Variants in CNTNAP5 observed in about 807,000 individuals in gnomAD.
CNTNAP5 encodes contactin associated protein family member 5, also known as contactin-associated protein-like 5.
A neutral mutation model predicts 150.2 loss-of-function variants in CNTNAP5; 72 were observed. The observed-to-expected ratio is 0.48, with a 90% CI of 0.40 to 0.58. The LOEUF (loss-of-function observed/expected upper bound fraction) is 0.58, where lower values mean the gene tolerates loss of function less well. Among genes scored for constraint, CNTNAP5 ranks in the 20% least tolerant of loss-of-function variants. The probability of loss-of-function intolerance (pLI) is 0.00; values close to 1 mark genes in which losing one functional copy is unlikely to be tolerated. For missense variants in CNTNAP5, 1,636 were observed against 1,626.2 expected (o/e 1.01, Z -0.10); for synonymous variants, 672 against 619.8 (o/e 1.08, Z -1.25).
intron 13 of CNTNAP5, among the ~76,000 whole-genome samples, chr2:124,663,134 C>A (rs1678627041): frequency 6.6e-6 from 1 of 152,124 alleles, no homozygotes; most frequent in Non-Finnish European, 1.5e-5. Context: ...AAGTAAGAAC[C>A]ATGTGACCCT....
chr2:124,210,965 T>A (rs1412069544), intron 1 of CNTNAP5, among the ~76,000 whole-genome samples: 1 of 152,132 alleles, frequency 6.6e-6, no homozygotes, highest in African/African-American at 2.4e-5. Flanking sequence ...TGCTTTCTGT[T>A]CCCTTTAAGA....
chr2:124,605,726 G>A (rs764682592), intron 11 of CNTNAP5, among the ~76,000 whole-genome samples: 3 of 143,858 alleles, frequency 2.1e-5, no homozygotes, highest in Non-Finnish European at 4.5e-5. Context: ...TGAGGCAGGA[G>A]AATTGCTTGG....
chr2:124,146,442 G>C (rs1013859972), intron 1 of CNTNAP5, among the ~76,000 whole-genome samples: 31 of 151,716 alleles, frequency 2.0e-4, no homozygotes, highest in African/African-American at 7.0e-4. Flanking sequence ...TTCACTTCTG[G>C]GAATCTATCC....
intron 1 of CNTNAP5, among the ~76,000 whole-genome samples, chr2:124,080,628 A>G (rs1682538782): frequency 6.6e-6 from 1 of 152,190 alleles, no homozygotes; most frequent in Non-Finnish European, 1.5e-5. Context: ...AAACACTGAG[A>G]GTGTCCCCAA....
intron 2 of CNTNAP5, among the ~76,000 whole-genome samples, chr2:124,231,519 A>G (rs1686619838): frequency 2.0e-5 from 3 of 152,156 alleles, no homozygotes; most frequent in Admixed American, 2.0e-4. Context: ...GATGCTCTTG[A>G]CATAATTAGC....
chr2:124,027,833 A>C (rs1293809407), intron 1 of CNTNAP5, among the ~76,000 whole-genome samples: 2 of 152,228 alleles, frequency 1.3e-5, no homozygotes, highest in Admixed American at 1.3e-4. Context: ...TACAAAATCT[A>C]TTAATTGAAT....
intron 3 of CNTNAP5, among the ~76,000 whole-genome samples, chr2:124,327,144 C>A (rs945788367): frequency 6.7e-6 from 1 of 149,964 alleles, no homozygotes; most frequent in Non-Finnish European, 1.5e-5. Context: ...CCACACCTGG[C>A]TAATTTTTTG....
chr2:124,626,999 T>G (rs1276453806), intron 12 of CNTNAP5, among the ~76,000 whole-genome samples: 1 of 152,146 alleles, frequency 6.6e-6, no homozygotes, highest in Admixed American at 6.5e-5. Context: ...GCTAGATGGC[T>G]TCTTTAGATC....
intron 1 of CNTNAP5, among the ~76,000 whole-genome samples, chr2:124,187,156 C>T (rs1200579998): frequency 6.6e-6 from 1 of 152,064 alleles, no homozygotes; most frequent in East Asian, 1.9e-4. Context: ...AAAGAGCAAC[C>T]TGGAAGGAAA....
At chr2:124,589,208 C>T (rs1194255181) in intron 11 of CNTNAP5, among the ~76,000 whole-genome samples, 1 of 152,152 alleles carries the variant, frequency 6.6e-6, no homozygotes, top group Non-Finnish European at 1.5e-5. Flanking sequence ...CCACCACCCC[C>T]AGCCCCTGCA....
chr2:124,162,979 A>G (rs1011547803), intron 1 of CNTNAP5, among the ~76,000 whole-genome samples: 3 of 150,652 alleles, frequency 2.0e-5, no homozygotes, highest in African/African-American at 7.2e-5. Flanking sequence ...CATCCCTTGA[A>G]GTTGACAAAA....
chr2:124,464,178 AG>A (rs1693320336), intron 6 of CNTNAP5, among the ~76,000 whole-genome samples: 1 of 152,144 alleles, frequency 6.6e-6, no homozygotes, highest in Non-Finnish European at 1.5e-5. Flanking sequence ...AGAATGTAGT[AG>A]GAGGGATGTG....
Position 124,434,811 on chromosome 2 carries a change from G to A in CNTNAP5, c.733+124G>A, listed in dbSNP as rs138312015. ...CTGGAGCACAATATAAGTGATATTG[G>A]TGGGGATAGAAATGTTTAAGGCATG... On this transcript the variant is annotated intron_variant, in intron 5 of 23. Coordinates refer to ENST00000682447, the MANE Select transcript of CNTNAP5 (RefSeq NM_001367498.1). 2.3e-4 allele frequency: 179 copies of A among 789,646 alleles called. 2 individuals carry two copies. The African/African-American group carries it at 2.9e-3, about 13-fold the overall frequency. 48.9% of individuals were successfully genotyped at this position (789,646 alleles called of 1,614,324 possible).
chr2:124,669,143 C>A (rs1678758297), intron 13 of CNTNAP5, among the ~76,000 whole-genome samples: 1 of 152,164 alleles, frequency 6.6e-6, no homozygotes, highest in Admixed American at 6.5e-5. Context: ...TCATTTCAGT[C>A]AGTTGCACAC....
At chr2:124,120,062 A>C (rs1021603484) in intron 1 of CNTNAP5, among the ~76,000 whole-genome samples, 1 of 152,190 alleles carries the variant, frequency 6.6e-6, no homozygotes, top group Non-Finnish European at 1.5e-5. Context: ...AGATCACTCT[A>C]CTGTGCAGAC....
chr2:124,533,487 G>A (rs970768908), intron 10 of CNTNAP5, among the ~76,000 whole-genome samples: 7 of 152,182 alleles, frequency 4.6e-5, no homozygotes, highest in East Asian at 3.9e-4. Context: ...CCTGGAGGAC[G>A]TGGAATTGTG....
chr2:124,903,012 G>A lies in CNTNAP5; in HGVS notation c.3567G>A (p.Val1189=), dbSNP rs372183079. Residue 1189 remains valine, a synonymous_variant, in exon 22 of 24, where the codon GTG becomes GTA. Coordinates refer to ENST00000682447, the MANE Select transcript of CNTNAP5 (RefSeq NM_001367498.1). ...TGCGCCATGCCACTGTCGCGCCTGT[G>A]ACTGTCCATGGGACCTTGACGGAAT... ...AALRHATVAP[V]TVHGTLTESS... is the part of the protein sequence containing the mutation. 2 of 1,611,496 alleles carry A rather than the reference G, an allele frequency of 1.2e-6. No individual in the cohort carries two copies. Among genetic ancestry groups the A allele is most frequent in the African/African-American group, 2.7e-5 (2 of 75,018 alleles).
intron 19 of CNTNAP5, among the ~76,000 whole-genome samples, chr2:124,808,445 G>A (rs1013038059): frequency 2.6e-5 from 4 of 151,914 alleles, no homozygotes; most frequent in South Asian, 2.1e-4. Flanking sequence ...AGAATTTGTC[G>A]GGCGTGATGG....
intron 6 of CNTNAP5, among the ~76,000 whole-genome samples, chr2:124,450,004 C>G (rs1692925707): frequency 6.6e-6 from 1 of 152,046 alleles, no homozygotes; most frequent in Non-Finnish European, 1.5e-5. Context: ...GAAGCAAGAT[C>G]CAGACCCCTG....
Sources: gnomAD v4.1 joint callset for allele counts (sites outside exome capture counted in the v4.1 genomes callset) on GRCh38, gnomAD v4.1.1 for gene constraint, MANE v1.5 for transcripts, NCBI Gene and HGNC (gene_info 2026-07-23, HGNC 2026-07-21) for gene names.